The following PPP4R2 variants were observed in gnomAD, a reference collection of about 807,000 sequenced individuals.
PPP4R2 encodes serine/threonine-protein phosphatase 4 regulatory subunit 2.
PPP4R2 carries 13 observed loss-of-function variants against 47.2 expected under a neutral mutation model. That is an observed-to-expected ratio of 0.28 (90% confidence interval 0.18 to 0.44). PPP4R2 has a LOEUF of 0.44. Ranked by LOEUF, PPP4R2 falls within the 20% of genes least tolerant of loss-of-function variation. PPP4R2 has a pLI of 1.00. For missense variants in PPP4R2, 421 were observed against 491.2 expected, an observed-to-expected ratio of 0.86 and a Z score of 1.35; for synonymous variants, 151 against 163.3, an observed-to-expected ratio of 0.92 and a Z score of 0.57.
In PPP4R2 at chr3:73,064,075, A is replaced by G. The variant is rs149601880; in HGVS notation, c.567A>G (p.Thr189=). The change falls in exon 7 of 9, where the codon ACA becomes ACG. Residue 189 remains threonine, a synonymous_variant. Coordinates refer to ENST00000356692, the MANE Select transcript of PPP4R2 (RefSeq NM_174907.4). ...RPKVSLSAPM[T]TNGLPESTDS... ...AGGTTTCTTTGTCAGCCCCCATGAC[A>G]ACAAATGGGTTGCCTGAGAGCACAG... The G allele has an allele frequency of 1.9e-6, 3 of 1,613,708 alleles. No individual in the cohort carries two copies. Among genetic ancestry groups the G allele is most frequent in the South Asian group, 1.1e-5 (1 of 91,052 alleles).
intron 2 of PPP4R2, among the ~76,000 whole-genome samples, chr3:73,024,093 A>G (rs1306982913): frequency 6.6e-6 from 1 of 152,122 alleles, no homozygotes; most frequent in Non-Finnish European, 1.5e-5. Flanking sequence ...GCTGAAATGA[A>G]CAGCCTTTTT....
chr3:73,023,961 G>A (rs1702009939), intron 2 of PPP4R2, among the ~76,000 whole-genome samples: 1 of 152,054 alleles, frequency 6.6e-6, no homozygotes. Context: ...GAATTACAAA[G>A]TTTCATCATT....
chr3:73,028,393 C>T (rs889827923), intron 2 of PPP4R2, among the ~76,000 whole-genome samples: 140 of 151,716 alleles, frequency 9.2e-4, no homozygotes, highest in African/African-American at 3.1e-3. Context: ...TAGAAGGTGA[C>T]ATTTGATCGA....
intron 2 of PPP4R2, among the ~76,000 whole-genome samples, chr3:73,036,405 A>G (rs761670485): frequency 5.3e-5 from 8 of 152,360 alleles, no homozygotes; most frequent in South Asian, 2.1e-4. Flanking sequence ...AAATGTTCCC[A>G]GCACAAATGA....
chr3:73,043,217 C>A (rs1354554059), intron 2 of PPP4R2, among the ~76,000 whole-genome samples: 1 of 152,074 alleles, frequency 6.6e-6, no homozygotes, highest in Non-Finnish European at 1.5e-5. Context: ...TGGAGAGTCT[C>A]ATAAAATTTA....
chr3:73,063,338 AAAGT>A (rs1372942855), intron 5 of PPP4R2: 1 of 172,014 alleles, frequency 5.8e-6, no homozygotes, highest in Non-Finnish European at 1.2e-5. Flanking sequence ...AAAAAAAAAA[AAAGT>A]CCAGGTGTGG....
At chr3:73,015,286 TCTC>T (rs1701802436) in intron 2 of PPP4R2, among the ~76,000 whole-genome samples, 1 of 151,714 alleles carries the variant, frequency 6.6e-6, no homozygotes, top group South Asian at 2.1e-4. Context: ...TTCAAGCAGT[TCTC>T]CTGCCTCAGC....
chr3:73,014,989 C>T (rs1701794091), intron 2 of PPP4R2: 1 of 685,406 alleles, frequency 1.5e-6, no homozygotes, highest in African/African-American at 1.8e-5. Context: ...CAGATGTAAG[C>T]AGCCTCACCC....
chr3:73,056,467 A>G (rs975394916), intron 3 of PPP4R2, among the ~76,000 whole-genome samples: 1 of 152,198 alleles, frequency 6.6e-6, no homozygotes, highest in African/African-American at 2.4e-5. Flanking sequence ...CATTTATCAT[A>G]CTAATATTTC....
chr3:73,046,581 C>G (rs1702492897), intron 2 of PPP4R2, among the ~76,000 whole-genome samples: 1 of 152,014 alleles, frequency 6.6e-6, no homozygotes, highest in Admixed American at 6.6e-5. Context: ...AGTACCTAAG[C>G]AAATTATGTA....
chr3:73,038,751 G>A (rs1042241373), intron 2 of PPP4R2, among the ~76,000 whole-genome samples: 2 of 152,172 alleles, frequency 1.3e-5, no homozygotes, highest in Non-Finnish European at 2.9e-5. Flanking sequence ...GGGAGAGGTG[G>A]ATGAATAGGT....
rs1384663492 is a variant in PPP4R2 at position 73,066,222 on chromosome 3, T to C, written c.*500T>C. On this transcript the variant is annotated 3_prime_UTR_variant, in exon 9 of 9. Transcript: ENST00000356692. ...TGTTTGGCTACGTACAATGGAACTTTAAGTCATATATACATACATATATAT... is the reference window on the plus strand; with the variant it reads ...TGTTTGGCTACGTACAATGGAACTTCAAGTCATATATACATACATATATAT... 4 of 119,976 alleles carry C rather than the reference T, an allele frequency of 3.3e-5. No individual in the cohort carries two copies. Among genetic ancestry groups the C allele is most frequent in the African/African-American group, 9.8e-5 (3 of 30,548 alleles). 7.4% of individuals were successfully genotyped at this position (119,976 alleles called of 1,614,324 possible).
At position 72,997,023 on chromosome 3, in the gene PPP4R2, G is replaced by A. The variant is rs774145448; in HGVS notation, c.-15G>A. 5 of 1,393,218 alleles carry A rather than the reference G, an allele frequency of 3.6e-6. No homozygotes were observed. In the East Asian group the frequency reaches 1.5e-4, roughly 42 times the overall value. 86.3% of individuals were successfully genotyped at this position (1,393,218 alleles called of 1,614,324 possible). A position where few individuals can be genotyped will look rare whatever the true frequency, so the allele number is the denominator to read the frequency against. On this transcript the variant is annotated 5_prime_UTR_variant, in exon 1 of 9. Coordinates refer to ENST00000356692, the MANE Select transcript of PPP4R2 (RefSeq NM_174907.4). ...CGCGGAGGGAGGCGGAGGCTGTGAG[G>A]GACTCCGGGAAGCCATGGACGTCGA...
intron 3 of PPP4R2, among the ~76,000 whole-genome samples, chr3:73,051,711 C>T (rs979590052): frequency 7.2e-5 from 11 of 152,252 alleles, no homozygotes; most frequent in African/African-American, 9.6e-5. Flanking sequence ...TTGCAACCTC[C>T]GCCTCCCGGG....
chr3:73,002,948 T>C (rs1701508638), intron 2 of PPP4R2, among the ~76,000 whole-genome samples: 1 of 151,966 alleles, frequency 6.6e-6, no homozygotes, highest in South Asian at 2.1e-4. Context: ...GGCCCAGGGT[T>C]TTTATAACTT....
chr3:73,022,112 G>T (rs1035485562), intron 2 of PPP4R2, among the ~76,000 whole-genome samples: 2 of 151,890 alleles, frequency 1.3e-5, no homozygotes, highest in African/African-American at 2.4e-5. Context: ...GGCCAGGCTG[G>T]TCTCGAACTC....
At chr3:73,011,846 A>T (rs1398082614) in intron 2 of PPP4R2, among the ~76,000 whole-genome samples, 1 of 152,248 alleles carries the variant, frequency 6.6e-6, no homozygotes, top group Non-Finnish European at 1.5e-5. Flanking sequence ...TCAGTTAAGT[A>T]AAAATCTTAC....
At chr3:73,065,200 C>A in intron 8 of PPP4R2, 59 bp downstream of exon 8, 3 of 1,480,594 alleles carry the variant, frequency 2.0e-6, no homozygotes, top group South Asian at 1.4e-5. Context: ...TCTTGTACTT[C>A]ATTTTTTTCG....
intron 2 of PPP4R2, among the ~76,000 whole-genome samples, chr3:73,018,928 G>A (rs986938249): frequency 6.6e-6 from 1 of 152,068 alleles, no homozygotes; most frequent in Non-Finnish European, 1.5e-5. Flanking sequence ...TTACTAGTCT[G>A]TTTCTACTTG....
Sources: gnomAD v4.1 joint callset for allele counts (sites outside exome capture counted in the v4.1 genomes callset) on GRCh38, gnomAD v4.1.1 for gene constraint, MANE v1.5 for transcripts, NCBI Gene and HGNC (gene_info 2026-07-23, HGNC 2026-07-21) for gene names.